The following NKAIN3 variants were observed in gnomAD, a reference collection of about 807,000 sequenced individuals.
NKAIN3 encodes sodium/potassium transporting ATPase interacting 3, also known as sodium/potassium-transporting ATPase subunit beta-1-interacting protein 3.
A neutral mutation model predicts 30.2 loss-of-function variants in NKAIN3; 25 were observed. That is an observed-to-expected ratio of 0.83 (90% CI 0.60 to 1.16). NKAIN3 has a LOEUF of 1.16. Among genes scored for constraint, NKAIN3 ranks in the 50% most tolerant of loss-of-function variants. NKAIN3 has a pLI of 0.00. For missense variants in NKAIN3, 225 were observed against 254.1 expected (o/e 0.89, Z 0.78); for synonymous variants, 91 against 89.6 (o/e 1.02, Z -0.09).
chr8:62,723,867 C>A (rs1815173492), intron 3 of NKAIN3, among the ~76,000 whole-genome samples: 1 of 152,054 alleles, frequency 6.6e-6, no homozygotes, highest in Admixed American at 6.6e-5. Flanking sequence ...AAGAAATAAT[C>A]ACAGATAAGA....
intron 4 of NKAIN3, among the ~76,000 whole-genome samples, chr8:62,857,475 C>T (rs114070186): frequency 0.011 from 1,629 of 152,248 alleles, 29 homozygotes; most frequent in African/African-American, 0.038. Flanking sequence ...GTCTCTTTCA[C>T]GTACCCCAAT....
At chr8:62,456,442 C>G (rs1805821539) in intron 1 of NKAIN3, among the ~76,000 whole-genome samples, 1 of 151,978 alleles carries the variant, frequency 6.6e-6, no homozygotes, top group Non-Finnish European at 1.5e-5. Flanking sequence ...TGGCGTGAAC[C>G]TGTGAGGCAG....
chr8:62,304,516 A>G (rs1228701881), intron 1 of NKAIN3, among the ~76,000 whole-genome samples: 2 of 150,060 alleles, frequency 1.3e-5, no homozygotes, highest in Admixed American at 6.6e-5. Flanking sequence ...AAATGGTCAA[A>G]TCAGGGTATT....
chr8:62,785,164 G>A (rs1476853034), intron 4 of NKAIN3, among the ~76,000 whole-genome samples: 1 of 152,058 alleles, frequency 6.6e-6, no homozygotes, highest in African/African-American at 2.4e-5. Context: ...GTACACAAAT[G>A]TTCACAGCAA....
chr8:62,729,034 AAAAAAC>A (rs1267525449), intron 3 of NKAIN3, among the ~76,000 whole-genome samples: 8,403 of 106,896 alleles, frequency 0.079, 889 homozygotes, highest in Non-Finnish European at 0.11. Context: ...CAAAAAAAAA[AAAAAAC>A]AAAAAAAAAA....
intron 1 of NKAIN3, among the ~76,000 whole-genome samples, chr8:62,440,837 T>C (rs553883521): frequency 8.5e-5 from 13 of 152,302 alleles, no homozygotes; most frequent in Non-Finnish European, 1.6e-4. Context: ...TTCTGGCTAT[T>C]GCAAGAGTTT....
rs1807184176 is a variant in NKAIN3, at chr8:62,839,026, A to G, written c.472-79427A>G. ...GCTCTCCAGGGTGTAGACATTTCAG[A>G]CATAATTTTACCTCCCTTCGTACAC... On this transcript the variant is annotated intron_variant, in intron 4 of 6. Coordinates refer to ENST00000623646, the MANE Select transcript of NKAIN3 (RefSeq NM_001304533.3). 2.0e-5 allele frequency among the ~76,000 whole-genome samples: 3 copies of G among 152,176 alleles called. No homozygotes were observed. The South Asian group carries it at 6.2e-4, about 32-fold the overall frequency.
intron 1 of NKAIN3, among the ~76,000 whole-genome samples, chr8:62,390,725 T>C (rs191488982): frequency 3.0e-4 from 46 of 152,338 alleles, no homozygotes; most frequent in African/African-American, 1.0e-3. Context: ...TTTTTAATAA[T>C]AGCTATTCTG....
chr8:62,789,833 C>CA (rs1817644424), intron 4 of NKAIN3, among the ~76,000 whole-genome samples: 1 of 151,972 alleles, frequency 6.6e-6, no homozygotes, highest in Non-Finnish European at 1.5e-5. Context: ...GCATACCAAT[C>CA]AAAAAAAGTC....
intron 1 of NKAIN3, among the ~76,000 whole-genome samples, chr8:62,537,345 G>T (rs28647803): frequency 0.044 from 6,763 of 152,180 alleles, 438 homozygotes; most frequent in African/African-American, 0.15. Flanking sequence ...TACCAATAAG[G>T]TTTAAAATAT....
intron 1 of NKAIN3, among the ~76,000 whole-genome samples, chr8:62,435,424 A>G (rs1805138928): frequency 6.6e-6 from 1 of 151,582 alleles, no homozygotes; most frequent in South Asian, 2.1e-4. Context: ...GGGGGACTGA[A>G]TTGCTGGGCA....
intron 1 of NKAIN3, among the ~76,000 whole-genome samples, chr8:62,249,496 G>A (rs1812020319): frequency 6.6e-6 from 1 of 152,252 alleles, no homozygotes; most frequent in South Asian, 2.1e-4. Flanking sequence ...AAGTTACACG[G>A]GGACTTGCGG....
chr8:62,338,228 G>A lies in NKAIN3; in HGVS notation c.54+89101G>A, dbSNP rs532151255. ...ATGTGAAAAGTTTATAATTTTTCTCGTTTGTTTAGAAACTATATTCATGTT... is the reference window on the plus strand; with the variant it reads ...ATGTGAAAAGTTTATAATTTTTCTCATTTGTTTAGAAACTATATTCATGTT... On this transcript the variant is annotated intron_variant, in intron 1 of 6. Transcript: ENST00000623646. Among the ~76,000 whole-genome samples, 60 of 151,746 alleles carry A rather than the reference G, an allele frequency of 4.0e-4. 1 individual carries two copies. The South Asian group carries it at 6.0e-3, about 15-fold the overall frequency.
chr8:62,487,187 G>A (rs754705745), intron 1 of NKAIN3, among the ~76,000 whole-genome samples: 12 of 152,166 alleles, frequency 7.9e-5, no homozygotes, highest in Non-Finnish European at 1.3e-4. Context: ...GTTTACCCAG[G>A]CACTCACTGG....
At chr8:62,680,459 A>G (rs1813614484) in intron 3 of NKAIN3, among the ~76,000 whole-genome samples, 1 of 152,226 alleles carries the variant, frequency 6.6e-6, no homozygotes, top group African/African-American at 2.4e-5. Flanking sequence ...AAGACATCTT[A>G]TAATTGACCC....
chr8:62,608,846 A>G (rs1025158404), intron 3 of NKAIN3, among the ~76,000 whole-genome samples: 1 of 152,130 alleles, frequency 6.6e-6, no homozygotes, highest in African/African-American at 2.4e-5. Context: ...TTTTTAATAT[A>G]AATTAAGATA....
chr8:62,514,524 G>A (rs1441058903), intron 1 of NKAIN3, among the ~76,000 whole-genome samples: 1 of 152,044 alleles, frequency 6.6e-6, no homozygotes, highest in Non-Finnish European at 1.5e-5. Context: ...ATAAAAAGGG[G>A]AACAAAATAT....
intron 3 of NKAIN3, among the ~76,000 whole-genome samples, chr8:62,694,299 A>C (rs1814084389): frequency 6.6e-6 from 1 of 152,144 alleles, no homozygotes; most frequent in African/African-American, 2.4e-5. Context: ...TATGGAATCA[A>C]CTTCTGTCCA....
chr8:62,778,388 G>A (rs1395704645), intron 4 of NKAIN3, among the ~76,000 whole-genome samples: 5 of 152,046 alleles, frequency 3.3e-5, no homozygotes, highest in African/African-American at 4.8e-5. Context: ...TGTATGCTAC[G>A]GCAGCTGAGC....
Sources: allele counts gnomAD v4.1 joint callset (sites outside exome capture counted in the v4.1 genomes callset), GRCh38; gene constraint gnomAD v4.1.1; transcripts MANE v1.5; gene names NCBI Gene and HGNC (gene_info 2026-07-23, HGNC 2026-07-21).